NAALADL2: variants seen among roughly 807,000 people sequenced by gnomAD.
NAALADL2 encodes N-acetylated alpha-linked acidic dipeptidase like 2, also known as inactive N-acetylated-alpha-linked acidic dipeptidase-like protein 2.
In NAALADL2, 76 loss-of-function variants were observed where a neutral mutation model predicts 87.2. That is an observed-to-expected ratio of 0.87 (90% CI 0.72 to 1.05). NAALADL2 has a LOEUF of 1.05. Ranked by LOEUF, NAALADL2 falls within the 50% of genes least tolerant of loss-of-function variation. NAALADL2 has a pLI of 0.00. For synonymous variants in NAALADL2, 354 were observed against 331.0 expected, an observed-to-expected ratio of 1.07 and a Z score of -0.75; for missense variants, 1,089 against 945.8, an observed-to-expected ratio of 1.15 and a Z score of -1.99.
At chr3:174,589,168 C>T (rs1248302379) in intron 2 of NAALADL2, among the ~76,000 whole-genome samples, 2 of 152,210 alleles carry the variant, frequency 1.3e-5, no homozygotes, top group Non-Finnish European at 1.5e-5. Flanking sequence ...GCGTGGGACC[C>T]TCTGAGCCAG....
intron 2 of NAALADL2, among the ~76,000 whole-genome samples, chr3:175,141,429 T>C (rs1729975561): frequency 6.6e-6 from 1 of 152,102 alleles, no homozygotes; most frequent in South Asian, 2.1e-4. Context: ...GAATATGTAG[T>C]CTACATGGTC....
rs374445261 is a variant in NAALADL2, at chr3:175,605,872, C to T, written c.1801-21419C>T. Among the ~76,000 whole-genome samples the T allele has an allele frequency of 1.2e-4, 18 of 152,184 alleles. No individual in the cohort carries two copies. In the East Asian group the frequency reaches 1.5e-3, roughly 13 times the overall value. On this transcript the variant is annotated intron_variant, in intron 10 of 13. Coordinates refer to ENST00000454872, the MANE Select transcript of NAALADL2 (RefSeq NM_207015.3). ...AAATTGCATCACTAGAGCATATACT[C>T]AGGGTGAATAAAATAACTACTTTCT...
At chr3:175,145,538 C>T (rs1348416186) in intron 2 of NAALADL2, among the ~76,000 whole-genome samples, 1 of 151,958 alleles carries the variant, frequency 6.6e-6, no homozygotes, top group Non-Finnish European at 1.5e-5. Flanking sequence ...TTCATTTGAC[C>T]TTTCTTAAGC....
chr3:175,565,962 T>C (rs574575118), intron 9 of NAALADL2, among the ~76,000 whole-genome samples: 1 of 151,774 alleles, frequency 6.6e-6, no homozygotes, highest in South Asian at 2.1e-4. Flanking sequence ...CCCGAGCAGC[T>C]GAGATTACAG....
intron 1 of NAALADL2, among the ~76,000 whole-genome samples, chr3:174,924,376 A>C (rs1735674030): frequency 6.6e-6 from 1 of 151,974 alleles, no homozygotes; most frequent in Non-Finnish European, 1.5e-5. Context: ...ACATGTCCCT[A>C]CAAAGGACAC....
chr3:175,605,644 T>TTTTTTTTTTTTTTTTTTTTTTTTTTTG (rs1723612029), intron 10 of NAALADL2, among the ~76,000 whole-genome samples: 1 of 133,006 alleles, frequency 7.5e-6, no homozygotes, highest in African/African-American at 2.8e-5. Flanking sequence ...TTGCTTGTTT[T>TTTTTTTTTTTTTTTTTTTTTTTTTTTG]TTTTTTTTTT....
chr3:175,295,043 G>C (rs1756137410), intron 4 of NAALADL2, among the ~76,000 whole-genome samples: 1 of 152,096 alleles, frequency 6.6e-6, no homozygotes, highest in Admixed American at 6.6e-5. Flanking sequence ...TTTCTCATAG[G>C]GTTACTGTGA....
intron 1 of NAALADL2, among the ~76,000 whole-genome samples, chr3:174,882,836 TATATGTGC>T (rs1246031743): frequency 1.4e-5 from 2 of 140,230 alleles, no homozygotes; most frequent in Non-Finnish European, 3.0e-5. Context: ...TACACGTGTG[TATATGTGC>T]ATATGTGTAT....
At chr3:174,661,314 T>C (rs187347045) in intron 2 of NAALADL2, among the ~76,000 whole-genome samples, 3 of 152,202 alleles carry the variant, frequency 2.0e-5, no homozygotes, top group Admixed American at 2.0e-4. Context: ...GTATTTTGAA[T>C]AGTTTTTATA....
intron 5 of NAALADL2, among the ~76,000 whole-genome samples, chr3:175,393,745 G>T (rs773574757): frequency 2.0e-5 from 3 of 152,066 alleles, no homozygotes; most frequent in Non-Finnish European, 4.4e-5. Context: ...TGTTATTTAC[G>T]TAACCACAGT....
rs1367904609 is a variant in NAALADL2 at position 175,148,042 on chromosome 3, C to T, written c.545+50751C>T. 2.0e-5 allele frequency among the ~76,000 whole-genome samples: 3 copies of T among 150,054 alleles called. No homozygotes were observed. The Admixed American group carries it at 2.0e-4, about 10-fold the overall frequency. ...CCGAGACTGGGCCATTGCACTCCAG[C>T]CTGGGCAACAAGAGCAAAACTCTGT... is the stretch of plus-strand genomic sequence containing the variant. On this transcript the variant is annotated intron_variant, in intron 2 of 13. Transcript: ENST00000454872.
intron 2 of NAALADL2, among the ~76,000 whole-genome samples, chr3:175,176,380 T>A (rs907080467): frequency 6.6e-6 from 1 of 152,134 alleles, no homozygotes; most frequent in Non-Finnish European, 1.5e-5. Context: ...TTCAAGATGA[T>A]ATATTTTAGG....
chr3:174,505,885 T>C (rs1406691586), intron 1 of NAALADL2, among the ~76,000 whole-genome samples: 1 of 152,206 alleles, frequency 6.6e-6, no homozygotes, highest in Admixed American at 6.5e-5. Flanking sequence ...ATTTAGATAA[T>C]ATAGACAACT....
chr3:174,619,240 G>A (rs1720769412), intron 2 of NAALADL2, among the ~76,000 whole-genome samples: 1 of 151,934 alleles, frequency 6.6e-6, no homozygotes, highest in Admixed American at 6.6e-5. Context: ...TAAATGGTCT[G>A]AGCAGGGTTT....
At chr3:175,184,558 A>G (rs1247607620) in intron 2 of NAALADL2, among the ~76,000 whole-genome samples, 1 of 151,976 alleles carries the variant, frequency 6.6e-6, no homozygotes, top group Admixed American at 6.6e-5. Flanking sequence ...AAGCAATAAC[A>G]TGAAGTTGGA....
chr3:175,369,469 T>C (rs1052945810), intron 5 of NAALADL2: 2 of 149,896 alleles, frequency 1.3e-5, no homozygotes, highest in African/African-American at 5.0e-5. Context: ...ACACCTGATA[T>C]GTGCATGTAT....
chr3:174,546,513 C>A (rs539382051), intron 1 of NAALADL2, among the ~76,000 whole-genome samples: 1 of 152,260 alleles, frequency 6.6e-6, no homozygotes, highest in African/African-American at 2.4e-5. Flanking sequence ...CTGAACCCCC[C>A]CAGGGGTTCT....
chr3:175,683,290 A>G (rs1467983362), intron 11 of NAALADL2, among the ~76,000 whole-genome samples: 1 of 151,996 alleles, frequency 6.6e-6, no homozygotes, highest in Non-Finnish European at 1.5e-5. Flanking sequence ...GTATTTTTCC[A>G]GAAAATTTAC....
chr3:174,807,068 T>G (rs1010700530), intron 3 of NAALADL2, among the ~76,000 whole-genome samples: 1 of 152,188 alleles, frequency 6.6e-6, no homozygotes, highest in Non-Finnish European at 1.5e-5. Flanking sequence ...TAAATAAAAG[T>G]ACCTACTAGA....
Sources: gnomAD v4.1 joint callset for allele counts (sites outside exome capture counted in the v4.1 genomes callset) on GRCh38, gnomAD v4.1.1 for gene constraint, MANE v1.5 for transcripts, NCBI Gene and HGNC (gene_info 2026-07-23, HGNC 2026-07-21) for gene names.